Variants in CTNNA3 observed in about 807,000 individuals in gnomAD.
CTNNA3 encodes catenin alpha-3.
In CTNNA3, 76 loss-of-function variants were observed where a neutral mutation model predicts 95.7. The observed-to-expected ratio is 0.79, with a 90% CI of 0.66 to 0.96. CTNNA3 has a LOEUF of 0.96. Among genes scored for constraint, CTNNA3 ranks in the 40% least tolerant of loss-of-function variants. CTNNA3 has a pLI of 0.00. For missense variants in CTNNA3, 1,191 were observed against 1,089.8 expected (o/e 1.09, Z -1.31); for synonymous variants, 431 against 374.4 (o/e 1.15, Z -1.74).
chr10:67,610,213 A>G (rs1843414089), intron 2 of CTNNA3, among the ~76,000 whole-genome samples: 1 of 152,208 alleles, frequency 6.6e-6, no homozygotes, highest in Admixed American at 6.5e-5. Flanking sequence ...TTTCCATAGA[A>G]TAGCCTGGGC....
intron 12 of CTNNA3, among the ~76,000 whole-genome samples, chr10:66,374,780 A>T (rs1378451894): frequency 6.6e-6 from 1 of 151,346 alleles, no homozygotes; most frequent in Non-Finnish European, 1.5e-5. Context: ...ACACCCATCT[A>T]ATTTTTTTGT....
chr10:66,320,686 T>C (rs2092170639), intron 12 of CTNNA3, among the ~76,000 whole-genome samples: 1 of 152,128 alleles, frequency 6.6e-6, no homozygotes, highest in South Asian at 2.1e-4. Context: ...TTTCCTTTTA[T>C]ATATAATATT....
At chr10:67,182,351 C>G (rs1286105792) in intron 6 of CTNNA3, among the ~76,000 whole-genome samples, 1 of 152,030 alleles carries the variant, frequency 6.6e-6, no homozygotes, top group Non-Finnish European at 1.5e-5. Context: ...AGATATAGAC[C>G]AATGGAACAG....
At chr10:67,116,688 G>A (rs1051858588) in intron 7 of CTNNA3, among the ~76,000 whole-genome samples, 4 of 148,576 alleles carry the variant, frequency 2.7e-5, no homozygotes, top group African/African-American at 9.9e-5. Flanking sequence ...TCTAAGGATC[G>A]TAGCACCTAA....
At chr10:67,464,689 T>A (rs1670193091) in intron 5 of CTNNA3, among the ~76,000 whole-genome samples, 1 of 152,008 alleles carries the variant, frequency 6.6e-6, no homozygotes, top group South Asian at 2.1e-4. Context: ...TAGTGGGCCT[T>A]TTAACAAAAA....
intron 13 of CTNNA3, among the ~76,000 whole-genome samples, chr10:66,180,969 T>C (rs1440000726): frequency 6.6e-6 from 1 of 151,978 alleles, no homozygotes; most frequent in East Asian, 1.9e-4. Context: ...TTAAAGACCA[T>C]ATGAAAATAC....
chr10:66,296,805 T>G (rs186848478), intron 12 of CTNNA3, among the ~76,000 whole-genome samples: 2 of 152,084 alleles, frequency 1.3e-5, no homozygotes, highest in African/African-American at 4.8e-5. Flanking sequence ...CTTTAACACA[T>G]CCACAAGGCT....
chr10:66,527,747 T>G (rs191756714), intron 10 of CTNNA3, among the ~76,000 whole-genome samples: 1 of 152,272 alleles, frequency 6.6e-6, no homozygotes, highest in East Asian at 1.9e-4. Context: ...TTGTTCATTG[T>G]TCGTATACAA....
At position 66,213,138 on chromosome 10, in the gene CTNNA3, T is replaced by A. The variant is rs562665673; in HGVS notation, c.1884+67332A>T. Reference sequence around the variant, plus strand: ...ATATTCTCTCTCCAAAGTTTTACAGTTAAAGTAGTTTTGCTTTAATTTAAA... The same window carrying A: ...ATATTCTCTCTCCAAAGTTTTACAGATAAAGTAGTTTTGCTTTAATTTAAA... On this transcript the variant is annotated intron_variant, in intron 13 of 17. Transcript: ENST00000433211. Among the ~76,000 whole-genome samples, 22 of 152,350 alleles carry A rather than the reference T, an allele frequency of 1.4e-4. No individual in the cohort carries two copies. The South Asian group carries it at 4.6e-3, about 32-fold the overall frequency.
chr10:66,847,247 C>T (rs1170603710), intron 7 of CTNNA3, among the ~76,000 whole-genome samples: 2 of 152,128 alleles, frequency 1.3e-5, no homozygotes, highest in Non-Finnish European at 2.9e-5. Context: ...TGAAACACAG[C>T]ATTCTTGTCA....
intron 13 of CTNNA3, among the ~76,000 whole-genome samples, chr10:66,258,010 A>G (rs1280634926): frequency 1.3e-5 from 2 of 152,128 alleles, no homozygotes; most frequent in Admixed American, 1.3e-4. Flanking sequence ...AACTTGAACA[A>G]TTCTGCCCCA....
At chr10:67,046,365 C>T (rs1239385133) in intron 7 of CTNNA3, among the ~76,000 whole-genome samples, 1 of 152,144 alleles carries the variant, frequency 6.6e-6, no homozygotes, top group East Asian at 1.9e-4. Context: ...TGTGAGCGAA[C>T]AGCTTTTGAT....
At chr10:66,190,201 G>A (rs1008203601) in intron 13 of CTNNA3, among the ~76,000 whole-genome samples, 3 of 152,048 alleles carry the variant, frequency 2.0e-5, no homozygotes, top group African/African-American at 7.2e-5. Context: ...CATATATGAA[G>A]GATCTTCAAT....
intron 7 of CTNNA3, among the ~76,000 whole-genome samples, chr10:67,057,681 T>C (rs7098801): frequency 0.12 from 17,865 of 152,148 alleles, 1,415 homozygotes; most frequent in African/African-American, 0.22. Flanking sequence ...GTTGTAAGTT[T>C]GCTGAACTGG....
intron 9 of CTNNA3, among the ~76,000 whole-genome samples, chr10:66,752,984 G>A (rs1332502108): frequency 6.6e-6 from 1 of 152,030 alleles, no homozygotes; most frequent in Non-Finnish European, 1.5e-5. Context: ...TTTTTATATA[G>A]AAATACCTGT....
intron 10 of CTNNA3, among the ~76,000 whole-genome samples, chr10:66,569,165 C>T (rs974530034): frequency 3.9e-5 from 6 of 151,990 alleles, no homozygotes; most frequent in Non-Finnish European, 8.8e-5. Context: ...AAGGAGGCTG[C>T]CCCATCGATG....
intron 12 of CTNNA3, among the ~76,000 whole-genome samples, chr10:66,309,280 CT>C (rs2091973148): frequency 6.6e-6 from 1 of 152,122 alleles, no homozygotes; most frequent in South Asian, 2.1e-4. Context: ...AAAAGTTTAC[CT>C]CAGTGTTTGA....
At chr10:66,751,144 T>G (rs895594112) in intron 9 of CTNNA3, among the ~76,000 whole-genome samples, 2 of 152,046 alleles carry the variant, frequency 1.3e-5, no homozygotes, top group African/African-American at 4.8e-5. Flanking sequence ...GGTGCATGCC[T>G]GTAATCCCAC....
At chr10:65,953,529 T>TC (rs1392160561) in intron 17 of CTNNA3, among the ~76,000 whole-genome samples, 1 of 151,412 alleles carries the variant, frequency 6.6e-6, no homozygotes, top group Non-Finnish European at 1.5e-5. Context: ...ATGCTATCCC[T>TC]CCCCCCTCCA....
Sources: allele counts gnomAD v4.1 joint callset (sites outside exome capture counted in the v4.1 genomes callset), GRCh38; gene constraint gnomAD v4.1.1; transcripts MANE v1.5; gene names NCBI Gene and HGNC (gene_info 2026-07-23, HGNC 2026-07-21).